LMBRD2: variants seen among roughly 807,000 people sequenced by gnomAD.
LMBRD2 encodes LMBR1 domain containing 2.
LMBRD2 carries 55 observed loss-of-function variants against 94.4 expected under a neutral mutation model. That is an observed-to-expected ratio of 0.58 (90% CI 0.47 to 0.73). The LOEUF (loss-of-function observed/expected upper bound fraction) is 0.73, where lower values mean the gene tolerates loss of function less well. Ranked by LOEUF, LMBRD2 falls within the 30% of genes least tolerant of loss-of-function variation. The pLI is 0.00. For synonymous variants in LMBRD2, 246 were observed against 272.4 expected (o/e 0.90, Z 0.95); for missense variants, 640 against 831.9 (o/e 0.77, Z 2.84).
intron 13 of LMBRD2, 148 bp from the exon 14 acceptor site, chr5:36,111,406 T>C: frequency 8.8e-6 from 6 of 678,156 alleles, no homozygotes; most frequent in Non-Finnish European, 1.6e-5. Context: ...TCTGACATGC[T>C]TCAGGAAGTA....
chr5:36,139,081 C>T (rs1398348175), intron 4 of LMBRD2, among the ~76,000 whole-genome samples: 1 of 152,154 alleles, frequency 6.6e-6, no homozygotes, highest in South Asian at 2.1e-4. Flanking sequence ...CTGCAGCTGC[C>T]CAGCTGTGGC....
chr5:36,108,838 A>G (rs554036517), intron 15 of LMBRD2, among the ~76,000 whole-genome samples, 199 bp from the exon 16 acceptor site: 2 of 152,282 alleles, frequency 1.3e-5, no homozygotes, highest in African/African-American at 2.4e-5. Flanking sequence ...ATAAACTTCA[A>G]CTTTTACAAA....
At chr5:36,128,473 G>C (rs367940692) in intron 6 of LMBRD2, among the ~76,000 whole-genome samples, 195 of 152,144 alleles carry the variant, frequency 1.3e-3, no homozygotes, top group African/African-American at 4.5e-3. Context: ...TGTAATCCCA[G>C]CACTTTGGGA....
Position 36,100,620 on chromosome 5 carries a change from A to G in LMBRD2, c.*3426T>C, listed in dbSNP as rs1261959727. ...CTTACTTCTTAACATTTAGAATTCA[A>G]TACAATCCATTACATTTGATGATTC... On this transcript the variant is annotated 3_prime_UTR_variant, in exon 18 of 18. Transcript: ENST00000296603. 1 of 152,126 alleles carries G rather than the reference A, an allele frequency of 6.6e-6. No individual in the cohort carries two copies. Among genetic ancestry groups the G allele is most frequent in the African/African-American group, 2.4e-5 (1 of 41,456 alleles). The allele number at this position is 152,126 out of a possible 1,614,324, so 9.4% of individuals were successfully genotyped here. A position where few individuals can be genotyped will look rare whatever the true frequency, so the allele number is the denominator to read the frequency against.
chr5:36,135,399 G>A (rs267755), intron 6 of LMBRD2, among the ~76,000 whole-genome samples: 2,206 of 152,256 alleles, frequency 0.014, 57 homozygotes, highest in African/African-American at 0.051. Context: ...TTTGAGGAAC[G>A]AAAGTTGAGT....
rs992641435 is a variant in LMBRD2 at position 36,110,053 on chromosome 5, T to C, written c.1745-62A>G. ...ATGGTTTAATCAGACATAGTGCAAC[T>C]GAAGTAAAGATAGCGGGCAATGACC... On this transcript the variant is annotated intron_variant, in intron 14 of 17. Coordinates refer to ENST00000296603, the MANE Select transcript of LMBRD2 (RefSeq NM_001007527.2). 5.6e-6 allele frequency: 7 copies of C among 1,241,112 alleles called. No homozygotes were observed. The African/African-American group carries it at 9.0e-5, about 16-fold the overall frequency. 76.9% of individuals were successfully genotyped at this position (1,241,112 alleles called of 1,614,324 possible).
chr5:36,140,787 A>C (rs1373390447), intron 4 of LMBRD2, among the ~76,000 whole-genome samples: 2 of 152,214 alleles, frequency 1.3e-5, no homozygotes, highest in African/African-American at 4.8e-5. Flanking sequence ...TAAAAAAAAC[A>C]AAGAAGGAAA....
chr5:36,114,907 A>G lies in LMBRD2; in HGVS notation c.1542+108T>C, dbSNP rs141747661. Reference sequence around the variant, plus strand: ...TATACAATCTTTAAGAGAAAATTTTACCAATAACACTATAGAACTTTTCTG... The same window carrying G: ...TATACAATCTTTAAGAGAAAATTTTGCCAATAACACTATAGAACTTTTCTG... On this transcript the variant is annotated intron_variant, in intron 12 of 17. Coordinates refer to ENST00000296603, the MANE Select transcript of LMBRD2 (RefSeq NM_001007527.2). 3.6e-4 allele frequency: 263 copies of G among 722,528 alleles called. No individual in the cohort carries two copies. The African/African-American group carries it at 4.5e-3, about 12-fold the overall frequency. 44.8% of individuals were successfully genotyped at this position (722,528 alleles called of 1,614,324 possible). A position where few individuals can be genotyped will look rare whatever the true frequency, so the allele number is the denominator to read the frequency against.
intron 11 of LMBRD2, 58 bp downstream of exon 11, chr5:36,116,402 C>T: frequency 1.3e-6 from 2 of 1,489,244 alleles, no homozygotes; most frequent in South Asian, 2.4e-5. Flanking sequence ...AATAAAAGAT[C>T]CATAAGAATA....
At chr5:36,142,661 C>T (rs1339423889) in intron 2 of LMBRD2, 62 bp from the exon 3 acceptor site, 8 of 878,678 alleles carry the variant, frequency 9.1e-6, no homozygotes, top group Non-Finnish European at 1.3e-5. Flanking sequence ...ACTTAAAGGA[C>T]ATCAGAGTTT....
chr5:36,108,531 T>TA lies in LMBRD2; in HGVS notation c.1897+2dup. ...CAAGTGAACTAGAAGATAAACTACT[T>TA]ACAACGGTTGGTATTAACATCTGAG... On this transcript the variant is annotated splice_region_variant and intron_variant, in intron 16 of 17. Transcript: ENST00000296603. 6.7e-7 allele frequency: 1 copy of TA among 1,496,658 alleles called. No homozygotes were observed. Among genetic ancestry groups the TA allele is most frequent in the Non-Finnish European group, 9.2e-7 (1 of 1,089,242 alleles). The allele number at this position is 1,496,658 out of a possible 1,614,324, so 92.7% of individuals were successfully genotyped here.
chr5:36,137,968 A>G (rs953012820), intron 4 of LMBRD2, among the ~76,000 whole-genome samples: 30 of 152,246 alleles, frequency 2.0e-4, no homozygotes, highest in African/African-American at 7.2e-4. Flanking sequence ...ACATCAGTAG[A>G]TACTCAACTG....
intron 4 of LMBRD2, 24 bp downstream of exon 4, chr5:36,141,083 A>AT (rs752743900): frequency 7.1e-7 from 1 of 1,401,496 alleles, no homozygotes; most frequent in Non-Finnish European, 9.9e-7. Context: ...AATTTTAAAA[A>AT]TTTTATCATT....
intron 13 of LMBRD2, among the ~76,000 whole-genome samples, chr5:36,112,309 A>G (rs757052444): frequency 3.9e-5 from 6 of 152,100 alleles, no homozygotes; most frequent in Admixed American, 1.3e-4. Flanking sequence ...ATACTCCGGG[A>G]TGAGAAGCTC....
chr5:36,149,482 T>C, intron 1 of LMBRD2, among the ~76,000 whole-genome samples: 1 of 152,368 alleles, frequency 6.6e-6, no homozygotes, highest in Non-Finnish European at 1.5e-5. Context: ...GCCCCTTCTA[T>C]AGTCCACATC....
chr5:36,123,507 C>A (rs1181510576), intron 7 of LMBRD2, among the ~76,000 whole-genome samples: 1 of 151,978 alleles, frequency 6.6e-6, no homozygotes, highest in Non-Finnish European at 1.5e-5. Flanking sequence ...TGAGTATTAT[C>A]TTAGCCAAAC....
intron 2 of LMBRD2, 121 bp downstream of exon 2, chr5:36,143,055 C>CATATAATCTTTTA: frequency 2.7e-6 from 2 of 739,522 alleles, no homozygotes; most frequent in Non-Finnish European, 4.4e-6. Flanking sequence ...ATCAAATGGC[C>CATATAATCTTTTA]ATATAATCTT....
intron 6 of LMBRD2, among the ~76,000 whole-genome samples, chr5:36,130,326 G>C (rs1218194270): frequency 3.3e-5 from 5 of 152,070 alleles, no homozygotes; most frequent in Non-Finnish European, 7.4e-5. Flanking sequence ...AGTTTTCTCT[G>C]TTTATTTTTG....
chr5:36,114,515 C>G lies in LMBRD2; in HGVS notation c.1549G>C (p.Gly517Arg). The change falls in exon 13 of 18, where the codon GGT becomes CGT. Residue 517 changes from glycine (G) to arginine (R), a missense_variant. By Grantham distance (125) the Gly-to-Arg change is moderately radical. Coordinates refer to ENST00000296603, the MANE Select transcript of LMBRD2 (RefSeq NM_001007527.2). ...TQPTAYTSIM[G>R]SMKVLSFIAD... ...ATAAAGGATAAAACTTTCATGGAAC[C>G]CATAATCTGAAGAGCAAGAAAAAAG... is the stretch of plus-strand genomic sequence containing the variant. The G allele has an allele frequency of 6.5e-7, 1 of 1,538,518 alleles. No homozygotes were observed. The highest frequency in any genetic ancestry group is 8.7e-7 in the Non-Finnish European group (1 of 1,150,086).
Sources: allele counts gnomAD v4.1 joint callset (sites outside exome capture counted in the v4.1 genomes callset), GRCh38; gene constraint gnomAD v4.1.1; transcripts MANE v1.5; gene names NCBI Gene and HGNC (gene_info 2026-07-23, HGNC 2026-07-21).